SENP5: variants seen among roughly 807,000 people sequenced by gnomAD.
SENP5 encodes SUMO specific peptidase 5, also known as sentrin-specific protease 5.
A neutral mutation model predicts 74.2 loss-of-function variants in SENP5; 21 were observed. The ratio of observed to expected loss-of-function variants is 0.28; its 90% CI spans 0.20 to 0.41. The LOEUF (loss-of-function observed/expected upper bound fraction) is 0.41. SENP5 is among the 10% of genes least tolerant of loss of function. The probability of loss-of-function intolerance (pLI) is 1.00; values close to 1 mark genes in which losing one functional copy is unlikely to be tolerated. For synonymous variants in SENP5, 311 were observed against 312.7 expected, an observed-to-expected ratio of 0.99 and a Z score of 0.06; for missense variants, 717 against 889.1, an observed-to-expected ratio of 0.81 and a Z score of 2.46.
chr3:196,902,731 A>G (rs1280361484), intron 5 of SENP5, among the ~76,000 whole-genome samples: 1 of 152,180 alleles, frequency 6.6e-6, no homozygotes, highest in Non-Finnish European at 1.5e-5. Context: ...CTGATATACC[A>G]CTTACTTATA....
At chr3:196,881,903 T>TG in intron 1 of SENP5, among the ~76,000 whole-genome samples, 1 of 149,190 alleles carries the variant, frequency 6.7e-6, no homozygotes, top group East Asian at 2.0e-4. Context: ...TTAGTTTTTT[T>TG]TTTTTTTTTT....
intron 1 of SENP5, among the ~76,000 whole-genome samples, chr3:196,871,207 G>A (rs1337539103): frequency 6.6e-6 from 1 of 152,084 alleles, no homozygotes. Flanking sequence ...GTAACACATA[G>A]GTTGTCTAAT....
At chr3:196,874,891 G>T (rs534431061) in intron 1 of SENP5, among the ~76,000 whole-genome samples, 1 of 152,130 alleles carries the variant, frequency 6.6e-6, no homozygotes, top group African/African-American at 2.4e-5. Context: ...AATTCCTAGA[G>T]TTCCTTGGGC....
At chr3:196,869,457 G>A (rs1199251987) in intron 1 of SENP5, among the ~76,000 whole-genome samples, 1 of 150,982 alleles carries the variant, frequency 6.6e-6, no homozygotes, top group Admixed American at 6.6e-5. Context: ...ACCTGCTTCC[G>A]CCTCTCAAAA....
At chr3:196,896,979 A>G (rs1388135377) in intron 2 of SENP5, among the ~76,000 whole-genome samples, 1 of 152,216 alleles carries the variant, frequency 6.6e-6, no homozygotes, top group Non-Finnish European at 1.5e-5. Flanking sequence ...TATCATCTGA[A>G]AATGAAAATA....
intron 1 of SENP5, among the ~76,000 whole-genome samples, chr3:196,873,069 CTTTT>C (rs572160747): frequency 1.0e-3 from 109 of 108,326 alleles, no homozygotes; most frequent in South Asian, 2.9e-3. Context: ...TGAGATTTAA[CTTTT>C]TTTTTTTTTT....
chr3:196,923,270 A>T (rs531999752), intron 6 of SENP5, 144 bp from the exon 7 acceptor site: 1 of 714,326 alleles, frequency 1.4e-6, no homozygotes, highest in African/African-American at 1.8e-5. Context: ...GGCTTAGAGT[A>T]AGACCTGGGT....
At chr3:196,901,039 ATTTAT>A (rs56169121) in intron 5 of SENP5, among the ~76,000 whole-genome samples, 2,127 of 116,336 alleles carry the variant, frequency 0.018, 38 homozygotes, top group Non-Finnish European at 0.035. Context: ...ACATTTATGT[ATTTAT>A]TTTACTTTTT....
intron 1 of SENP5, among the ~76,000 whole-genome samples, chr3:196,869,953 C>T (rs989751214): frequency 2.0e-5 from 3 of 151,342 alleles, no homozygotes; most frequent in Non-Finnish European, 2.9e-5. Flanking sequence ...ACCCAGTGCT[C>T]TATACACAGG....
intron 7 of SENP5, among the ~76,000 whole-genome samples, chr3:196,926,313 C>G (rs940504238): frequency 6.6e-5 from 10 of 152,056 alleles, no homozygotes; most frequent in African/African-American, 2.2e-4. Context: ...GAAACCCCGT[C>G]TCTATTAAAA....
chr3:196,876,458 C>T (rs1713472045), intron 1 of SENP5, among the ~76,000 whole-genome samples: 1 of 148,258 alleles, frequency 6.7e-6, no homozygotes, highest in African/African-American at 2.5e-5. Flanking sequence ...GCGGAGCTTG[C>T]AGTGAGCCGA....
At chr3:196,917,586 CAT>C (rs1450514787) in intron 6 of SENP5, among the ~76,000 whole-genome samples, 2 of 152,114 alleles carry the variant, frequency 1.3e-5, no homozygotes, top group East Asian at 1.9e-4. Flanking sequence ...GAACAAATAA[CAT>C]ATGAAGGAGC....
intron 1 of SENP5, among the ~76,000 whole-genome samples, chr3:196,876,530 A>AG (rs1713477354): frequency 6.6e-6 from 1 of 151,120 alleles, no homozygotes; most frequent in Non-Finnish European, 1.5e-5. Context: ...AAAAAAAAAA[A>AG]AAAAGAAAAG....
At chr3:196,920,099 G>C (rs890617697) in intron 6 of SENP5, among the ~76,000 whole-genome samples, 5 of 152,250 alleles carry the variant, frequency 3.3e-5, no homozygotes, top group South Asian at 4.1e-4. Flanking sequence ...GTCAAACTCT[G>C]TTGTTTAGTA....
intron 6 of SENP5, chr3:196,914,616 T>TACAC (rs1175531798): frequency 2.5e-5 from 3 of 120,818 alleles, no homozygotes; most frequent in Non-Finnish European, 1.7e-5. Context: ...TATATATGTC[T>TACAC]ACACACACAT....
At chr3:196,927,963 A>G in intron 8 of SENP5, 84 bp downstream of exon 8, 2 of 811,784 alleles carry the variant, frequency 2.5e-6, no homozygotes, top group Non-Finnish European at 2.0e-6. Flanking sequence ...GCATTTGAAG[A>G]CTAGTGACAG....
chr3:196,880,028 T>G (rs1560139948), intron 1 of SENP5, among the ~76,000 whole-genome samples: 2 of 151,796 alleles, frequency 1.3e-5, no homozygotes, highest in Non-Finnish European at 2.9e-5. Context: ...TCACTGCAAC[T>G]TCTGCCTCCT....
intron 6 of SENP5, among the ~76,000 whole-genome samples, chr3:196,907,494 A>G (rs1474894520): frequency 1.3e-5 from 2 of 151,684 alleles, no homozygotes; most frequent in African/African-American, 4.8e-5. Context: ...CTTATATTCC[A>G]TTTGGGGTGG....
At chr3:196,909,674 C>T (rs1715042951) in intron 6 of SENP5, among the ~76,000 whole-genome samples, 1 of 152,174 alleles carries the variant, frequency 6.6e-6, no homozygotes, top group Non-Finnish European at 1.5e-5. Flanking sequence ...ATGATTATTT[C>T]AGTAGATGCA....
Sources: gnomAD v4.1 joint callset for allele counts (sites outside exome capture counted in the v4.1 genomes callset) on GRCh38, gnomAD v4.1.1 for gene constraint, MANE v1.5 for transcripts, NCBI Gene and HGNC (gene_info 2026-07-23, HGNC 2026-07-21) for gene names.